EFHC2: variants seen among roughly 807,000 people sequenced by gnomAD.
EFHC2 encodes the protein EF-hand domain containing 2.
In EFHC2, 18 loss-of-function variants were observed where a neutral mutation model predicts 52.7. The observed-to-expected ratio is 0.34, with a 90% CI of 0.24 to 0.51. The LOEUF (loss-of-function observed/expected upper bound fraction) is 0.51. EFHC2 is among the 20% of genes least tolerant of loss of function. The probability of loss-of-function intolerance (pLI) is 0.97; values close to 1 mark genes in which losing one functional copy is unlikely to be tolerated. For missense variants in EFHC2, 513 were observed against 562.5 expected, an observed-to-expected ratio of 0.91 and a Z score of 0.89; for synonymous variants, 203 against 204.1, an observed-to-expected ratio of 0.99 and a Z score of 0.04.
intron 10 of EFHC2, among the ~76,000 whole-genome samples, chrX:44,230,326 A>T (rs2147320744): frequency 9.0e-6 from 1 of 111,620 alleles, no homozygotes; most frequent in East Asian, 2.8e-4. Context: ...TAGCTTTTTG[A>T]CTTGGTAAGA....
chrX:44,232,516 AC>A lies in EFHC2; in HGVS notation c.1584del (p.Glu528AspfsTer4). 1 of 1,160,940 alleles carries A rather than the reference AC, an allele frequency of 8.6e-7. No homozygotes were observed. Among genetic ancestry groups the A allele is most frequent in the Non-Finnish European group, 1.2e-6 (1 of 868,825 alleles). On this transcript the variant is annotated frameshift_variant, in exon 10 of 15. Coordinates refer to ENST00000420999, the MANE Select transcript of EFHC2 (RefSeq NM_025184.4). LOFTEE classifies it high-confidence loss of function. ...GYLFRLLNAD[E>X]YTLNYMEQNT... ...TTCTGCTCCATGTAGTTTAAGGTAT[AC>A]TCATCAGCATTGAGCAAACGAAATA... is the stretch of plus-strand genomic sequence containing the variant.
At chrX:44,267,704 A>G (rs1330285843) in intron 3 of EFHC2, among the ~76,000 whole-genome samples, 1 of 110,755 alleles carries the variant, frequency 9.0e-6, no homozygotes, top group Non-Finnish European at 1.9e-5. Flanking sequence ...AATCTTGACC[A>G]TTTGCCTCTT....
chrX:44,320,127 G>C (rs1046565567), intron 1 of EFHC2, among the ~76,000 whole-genome samples: 1 of 110,923 alleles, frequency 9.0e-6, no homozygotes, highest in Non-Finnish European at 1.9e-5. Flanking sequence ...ATTTTTAGTA[G>C]AGACAGGGTT....
intron 1 of EFHC2, among the ~76,000 whole-genome samples, chrX:44,321,784 G>A (rs1036804856): frequency 8.9e-6 from 1 of 111,931 alleles, no homozygotes; most frequent in African/African-American, 3.2e-5. Context: ...GCAGAATCAT[G>A]GGGACAGAAA....
At chrX:44,309,382 C>T (rs149595256) in intron 2 of EFHC2, 578 of 883,422 alleles carry the variant, frequency 6.5e-4, no homozygotes, top group Middle Eastern at 1.1e-3. Flanking sequence ...CTCTGATACT[C>T]GCCTACTCTC....
chrX:44,310,151 C>T, intron 2 of EFHC2: 1 of 681,830 alleles, frequency 1.5e-6, no homozygotes. Context: ...TGTCCTTGGA[C>T]AGGTCCACCT....
intron 2 of EFHC2, among the ~76,000 whole-genome samples, chrX:44,304,071 T>C (rs920134550): frequency 7.1e-5 from 8 of 112,218 alleles, no homozygotes; most frequent in African/African-American, 2.6e-4. Context: ...ATTTGTATAT[T>C]TCTAAATATT....
chrX:44,218,495 G>A (rs1331271010), intron 11 of EFHC2, among the ~76,000 whole-genome samples: 3 of 111,279 alleles, frequency 2.7e-5, no homozygotes, highest in Non-Finnish European at 5.7e-5. Flanking sequence ...AAAATATGCT[G>A]GCCCATAATA....
intron 11 of EFHC2, among the ~76,000 whole-genome samples, chrX:44,201,075 T>C (rs902170976): frequency 2.7e-5 from 3 of 111,991 alleles, no homozygotes; most frequent in Non-Finnish European, 5.7e-5. Flanking sequence ...ATGCAGACAA[T>C]GTTCTCTAAC....
chrX:44,201,364 C>A (rs1483321756), intron 11 of EFHC2, among the ~76,000 whole-genome samples: 1 of 110,002 alleles, frequency 9.1e-6, no homozygotes, highest in African/African-American at 3.3e-5. Context: ...AGAAAAAGTA[C>A]AAAGAACAAC....
At chrX:44,309,296 G>T in intron 2 of EFHC2, 1 of 670,383 alleles carries the variant, frequency 1.5e-6, no homozygotes, top group African/African-American at 2.2e-5. Context: ...GCAAAATAAG[G>T]GCACATCTTC....
Position 44,148,888 on chromosome X carries a change from T to C in EFHC2, c.2157A>G (p.Glu719=). Residue 719 remains glutamate (E), a synonymous_variant, in exon 15 of 15, where the codon GAA becomes GAG. Coordinates refer to ENST00000420999, the MANE Select transcript of EFHC2 (RefSeq NM_025184.4). The stretch of plus-strand genomic sequence containing the variant: ...GTGATGGCATACCAAGCCAAACATC[T>C]TCACATCTCTAGAAAAAAACCAAAA... ...QPASYLKERC[E]DVWLGMPSPI... 1 of 1,175,230 alleles carries C rather than the reference T, an allele frequency of 8.5e-7. No individual in the cohort carries two copies. Among genetic ancestry groups the C allele is most frequent in the East Asian group, 3.1e-5 (1 of 32,047 alleles).
chrX:44,162,520 C>T (rs1486462235), intron 14 of EFHC2, among the ~76,000 whole-genome samples: 4 of 111,093 alleles, frequency 3.6e-5, no homozygotes, highest in Non-Finnish European at 7.6e-5. Flanking sequence ...CTCCAGACCT[C>T]GCAGGACAAT....
chrX:44,247,963 A>G (rs962873359), intron 7 of EFHC2, among the ~76,000 whole-genome samples: 1 of 111,671 alleles, frequency 9.0e-6, no homozygotes, highest in Non-Finnish European at 1.9e-5. Flanking sequence ...TTGCTAAACC[A>G]AAACATTTAC....
intron 4 of EFHC2, among the ~76,000 whole-genome samples, chrX:44,254,303 G>A (rs2037475889): frequency 8.9e-6 from 1 of 111,962 alleles, no homozygotes; most frequent in Admixed American, 9.4e-5. Flanking sequence ...GCTTCAGAAG[G>A]TGGGTAATAA....
intron 11 of EFHC2, among the ~76,000 whole-genome samples, chrX:44,188,927 G>A (rs973052442): frequency 3.3e-4 from 36 of 109,043 alleles, no homozygotes; most frequent in African/African-American, 1.2e-3. Context: ...AGACTAGCCT[G>A]GCCAACATGG....
chrX:44,266,700 C>T (rs2037580889), intron 3 of EFHC2, among the ~76,000 whole-genome samples: 1 of 111,003 alleles, frequency 9.0e-6, no homozygotes, highest in South Asian at 3.8e-4. Flanking sequence ...AACTTCATTG[C>T]TTACCTGAAA....
intron 11 of EFHC2, among the ~76,000 whole-genome samples, chrX:44,194,729 T>C (rs753046145): frequency 2.1e-4 from 24 of 111,877 alleles, no homozygotes; most frequent in Middle Eastern, 4.6e-3. Flanking sequence ...TTGTCAGTTA[T>C]AACCCTAACT....
At chrX:44,328,231 T>G (rs1328582514) in intron 1 of EFHC2, among the ~76,000 whole-genome samples, 1 of 111,845 alleles carries the variant, frequency 8.9e-6, no homozygotes, top group African/African-American at 3.3e-5. Flanking sequence ...GAGTCTGTTT[T>G]GGAATTCTAT....
Sources: gnomAD v4.1 joint callset for allele counts (sites outside exome capture counted in the v4.1 genomes callset) on GRCh38, gnomAD v4.1.1 for gene constraint, MANE v1.5 for transcripts, NCBI Gene and HGNC (gene_info 2026-07-23, HGNC 2026-07-21) for gene names.